The following KLF12 variants were observed in gnomAD, a reference collection of about 807,000 sequenced individuals.
KLF12 encodes the protein KLF transcription factor 12, also known as Krueppel-like factor 12.
In KLF12, 9 loss-of-function variants were observed where a neutral mutation model predicts 37.8. The observed-to-expected ratio is 0.24, with a 90% CI of 0.14 to 0.42. KLF12 has a LOEUF of 0.42. Among genes scored for constraint, KLF12 ranks in the 10% least tolerant of loss-of-function variants. The pLI, the probability that KLF12 is intolerant of heterozygous loss-of-function variation, is 1.00. For missense variants in KLF12, 411 were observed against 516.0 expected, an observed-to-expected ratio of 0.80 and a Z score of 1.97; for synonymous variants, 208 against 202.1, an observed-to-expected ratio of 1.03 and a Z score of -0.25.
intron 6 of KLF12, among the ~76,000 whole-genome samples, chr13:73,732,787 A>G (rs188485003): frequency 5.3e-5 from 8 of 152,088 alleles, no homozygotes; most frequent in Non-Finnish European, 1.0e-4. Context: ...CCAGACTCGT[A>G]TATCTTTTAG....
At chr13:73,805,461 T>C (rs1437899520) in intron 5 of KLF12, among the ~76,000 whole-genome samples, 3 of 151,850 alleles carry the variant, frequency 2.0e-5, no homozygotes, top group Middle Eastern at 3.2e-3. Context: ...CTACTAAATA[T>C]ACAAAAATTA....
intron 3 of KLF12, among the ~76,000 whole-genome samples, chr13:73,895,276 G>C (rs1887708794): frequency 6.6e-6 from 1 of 152,200 alleles, no homozygotes; most frequent in South Asian, 2.1e-4. Context: ...ATAGATACAT[G>C]AGATCCTAGA....
the KLF12 span, among the ~76,000 whole-genome samples, chr13:74,194,139 A>G: frequency 5.3e-5 from 8 of 152,230 alleles, no homozygotes; most frequent in African/African-American, 1.9e-4. Context: ...GATGTGAGAC[A>G]GGTGCATGAT....
intron 1 of KLF12, among the ~76,000 whole-genome samples, chr13:74,110,496 T>C (rs1415628161): frequency 6.6e-6 from 1 of 152,224 alleles, no homozygotes; most frequent in African/African-American, 2.4e-5. Context: ...CCATCTACTA[T>C]CTTACTGGCC....
the KLF12 span, among the ~76,000 whole-genome samples, chr13:74,229,211 T>A: frequency 6.6e-6 from 1 of 152,226 alleles, no homozygotes; most frequent in African/African-American, 2.4e-5. Flanking sequence ...GTTATGTATA[T>A]GTCACTTTTG....
At chr13:73,928,100 C>G (rs760323818) in intron 3 of KLF12, among the ~76,000 whole-genome samples, 1 of 152,186 alleles carries the variant, frequency 6.6e-6, no homozygotes, top group Non-Finnish European at 1.5e-5. Context: ...TCATGATCTG[C>G]CTGCCTCAGC....
chr13:74,191,339 T>C, the KLF12 span, among the ~76,000 whole-genome samples: 2 of 152,372 alleles, frequency 1.3e-5, no homozygotes, highest in African/African-American at 4.8e-5. Context: ...GATAGGATTT[T>C]CCTTCTTGAC....
At chr13:74,028,918 A>G (rs942948295) in intron 1 of KLF12, among the ~76,000 whole-genome samples, 3 of 152,138 alleles carry the variant, frequency 2.0e-5, no homozygotes, top group Admixed American at 1.3e-4. Flanking sequence ...GATATTAAAA[A>G]AGGTTTGCAG....
At chr13:74,281,353 G>A in the KLF12 span, among the ~76,000 whole-genome samples, 1,857 of 152,074 alleles carry the variant, frequency 0.012, 40 homozygotes, top group African/African-American at 0.04. Flanking sequence ...CCTCTTTCCC[G>A]CAAAACCTTG....
chr13:73,721,085 G>C (rs750968291), intron 6 of KLF12, among the ~76,000 whole-genome samples: 2 of 152,154 alleles, frequency 1.3e-5, no homozygotes, highest in Non-Finnish European at 2.9e-5. Flanking sequence ...GTCAGGCACC[G>C]ACCTAAATGC....
chr13:74,109,324 T>C (rs1176967186), intron 1 of KLF12, among the ~76,000 whole-genome samples: 1 of 151,896 alleles, frequency 6.6e-6, no homozygotes, highest in East Asian at 1.9e-4. Context: ...TTTTTTTAAA[T>C]AAGAGACCTA....
chr13:74,079,227 G>C (rs1015062142), intron 1 of KLF12, among the ~76,000 whole-genome samples: 8 of 152,112 alleles, frequency 5.3e-5, no homozygotes, highest in African/African-American at 1.2e-4. Context: ...CAGGGGCTGA[G>C]GGGAATGAGA....
At chr13:74,235,323 CAT>C in the KLF12 span, among the ~76,000 whole-genome samples, 1 of 152,194 alleles carries the variant, frequency 6.6e-6, no homozygotes, top group East Asian at 1.9e-4. Context: ...AATGAGATAA[CAT>C]GTGTCAAGAG....
chr13:74,006,838 G>A (rs1215371103), intron 1 of KLF12, among the ~76,000 whole-genome samples: 1 of 151,856 alleles, frequency 6.6e-6, no homozygotes, highest in African/African-American at 2.4e-5. Context: ...TCTCCTTTAG[G>A]TCCTCATTTA....
At chr13:74,093,965 T>C (rs1435539296) in intron 1 of KLF12, among the ~76,000 whole-genome samples, 1 of 94,726 alleles carries the variant, frequency 1.1e-5, no homozygotes, top group Non-Finnish European at 2.3e-5. Flanking sequence ...ATCAGTAAAA[T>C]GCAAAAAAAA....
the KLF12 span, among the ~76,000 whole-genome samples, chr13:74,184,691 C>T: frequency 6.6e-6 from 1 of 152,154 alleles, no homozygotes; most frequent in Non-Finnish European, 1.5e-5. Flanking sequence ...CTACAGTAGG[C>T]TATATGGGTT....
intron 3 of KLF12, among the ~76,000 whole-genome samples, chr13:73,939,614 A>C (rs1890100484): frequency 6.6e-6 from 1 of 152,172 alleles, no homozygotes; most frequent in South Asian, 2.1e-4. Flanking sequence ...AATTGCAGCA[A>C]CATAAACGAA....
intron 4 of KLF12, among the ~76,000 whole-genome samples, chr13:73,835,066 CT>C (rs57370625): frequency 3.9e-3 from 558 of 142,598 alleles, no homozygotes; most frequent in Non-Finnish European, 3.9e-3. Context: ...GAAGTTAAAC[CT>C]TTTTTTTTTT....
the KLF12 span, among the ~76,000 whole-genome samples, chr13:74,139,900 C>T: frequency 1.3e-5 from 2 of 151,374 alleles, no homozygotes; most frequent in African/African-American, 4.9e-5. Flanking sequence ...AAATAGTACT[C>T]TCCATGGAAA....
Sources: allele counts gnomAD v4.1 joint callset (sites outside exome capture counted in the v4.1 genomes callset), GRCh38; gene constraint gnomAD v4.1.1; transcripts MANE v1.5; gene names NCBI Gene and HGNC (gene_info 2026-07-23, HGNC 2026-07-21).